CREB5: variants seen among roughly 807,000 people sequenced by gnomAD.
CREB5 encodes cAMP responsive element binding protein 5.
In CREB5, 19 loss-of-function variants were observed where a neutral mutation model predicts 57.1. The observed-to-expected ratio is 0.33, with a 90% CI of 0.23 to 0.49. The LOEUF (loss-of-function observed/expected upper bound fraction) is 0.49. CREB5 is among the 20% of genes least tolerant of loss of function. CREB5 has a pLI of 0.99. For synonymous variants in CREB5, 238 were observed against 238.3 expected (o/e 1.00, Z 0.01); for missense variants, 579 against 671.6 (o/e 0.86, Z 1.52).
chr7:28,435,343 T>C (rs535721485), intron 1 of CREB5, among the ~76,000 whole-genome samples: 2 of 152,106 alleles, frequency 1.3e-5, no homozygotes, highest in East Asian at 3.9e-4. Context: ...AGATGTGTGA[T>C]TGTCAGTGGG....
At chr7:28,547,783 G>A (rs138785024) in intron 4 of CREB5, among the ~76,000 whole-genome samples, 18 of 152,158 alleles carry the variant, frequency 1.2e-4, no homozygotes, top group African/African-American at 3.6e-4. Context: ...GTCATCTTTC[G>A]GTATGTAGCT....
At chr7:28,406,918 G>C in intron 1 of CREB5, among the ~76,000 whole-genome samples, 1 of 60,726 alleles carries the variant, frequency 1.6e-5, no homozygotes, top group East Asian at 2.0e-3. Flanking sequence ...ATTTAGTTAA[G>C]TTTGTAAAAA....
intron 7 of CREB5, among the ~76,000 whole-genome samples, chr7:28,742,255 C>T (rs1317993062): frequency 1.3e-5 from 2 of 152,020 alleles, no homozygotes; most frequent in East Asian, 3.9e-4. Flanking sequence ...ATTCTATGTG[C>T]TTACTTCATA....
chr7:28,785,305 G>A (rs1807255715), intron 7 of CREB5, among the ~76,000 whole-genome samples: 1 of 152,192 alleles, frequency 6.6e-6, no homozygotes, highest in Non-Finnish European at 1.5e-5. Flanking sequence ...ATGTCGCCTT[G>A]TGTAATAATA....
At chr7:28,594,777 A>G (rs1796639388) in intron 5 of CREB5, among the ~76,000 whole-genome samples, 1 of 152,196 alleles carries the variant, frequency 6.6e-6, no homozygotes, top group South Asian at 2.1e-4. Context: ...GCTTTCAGAG[A>G]ACCCCACTAG....
intron 1 of CREB5, among the ~76,000 whole-genome samples, chr7:28,347,660 A>G (rs979755394): frequency 1.3e-5 from 2 of 152,152 alleles, no homozygotes; most frequent in African/African-American, 4.8e-5. Flanking sequence ...CCAGGTTTCA[A>G]TAGCTTGAAA....
intron 1 of CREB5, among the ~76,000 whole-genome samples, chr7:28,429,524 A>C (rs1474442974): frequency 6.6e-6 from 1 of 152,192 alleles, no homozygotes; most frequent in Non-Finnish European, 1.5e-5. Flanking sequence ...GGTAAGAGGA[A>C]GCATCCTTAC....
chr7:28,560,959 T>TGTGTGCGCGTGCGTGC (rs1562798119), intron 4 of CREB5, among the ~76,000 whole-genome samples: 1 of 32,128 alleles, frequency 3.1e-5, no homozygotes, highest in African/African-American at 1.5e-4. Context: ...TGCGTGTGTG[T>TGTGTGCGCGTGCGTGC]GCGTGTGTGT....
At chr7:28,430,622 A>G in intron 1 of CREB5, among the ~76,000 whole-genome samples, 1 of 147,106 alleles carries the variant, frequency 6.8e-6, no homozygotes, top group East Asian at 1.9e-4. Flanking sequence ...TATGCAATCT[A>G]AGGTTTTACC....
At chr7:28,717,005 C>T (rs1217932389) in intron 5 of CREB5, among the ~76,000 whole-genome samples, 1 of 152,032 alleles carries the variant, frequency 6.6e-6, no homozygotes, top group Non-Finnish European at 1.5e-5. Context: ...CTCTGTGTAT[C>T]TCCTCACATA....
At chr7:28,319,244 G>A (rs2127983587) in intron 1 of CREB5, among the ~76,000 whole-genome samples, 1 of 152,194 alleles carries the variant, frequency 6.6e-6, no homozygotes, top group African/African-American at 2.4e-5. Context: ...GGGTCAAAGG[G>A]CAACTGAAAA....
intron 1 of CREB5, among the ~76,000 whole-genome samples, chr7:28,481,805 C>G (rs1350650691): frequency 6.6e-6 from 1 of 151,918 alleles, no homozygotes; most frequent in Non-Finnish European, 1.5e-5. Context: ...GACAAACACA[C>G]AAAGAGAGGA....
At chr7:28,385,602 G>C (rs2127996801) in intron 1 of CREB5, among the ~76,000 whole-genome samples, 1 of 151,978 alleles carries the variant, frequency 6.6e-6, no homozygotes, top group South Asian at 2.1e-4. Context: ...CCTGAGCCTG[G>C]GGAGGTGGAG....
At chr7:28,539,887 A>G (rs1435885730) in intron 4 of CREB5, among the ~76,000 whole-genome samples, 1 of 152,212 alleles carries the variant, frequency 6.6e-6, no homozygotes, top group Non-Finnish European at 1.5e-5. Context: ...ATTTTTGGTA[A>G]CCAGCCCACC....
At chr7:28,423,129 A>C (rs1788342370) in intron 1 of CREB5, among the ~76,000 whole-genome samples, 2 of 152,078 alleles carry the variant, frequency 1.3e-5, no homozygotes. Context: ...CTCTGCCTCC[A>C]TGCTAGCCAC....
chr7:28,522,460 A>G (rs1793249992), intron 4 of CREB5, among the ~76,000 whole-genome samples: 1 of 146,510 alleles, frequency 6.8e-6, no homozygotes. Context: ...CAATGGCACA[A>G]TCTCTGCTGA....
chr7:28,612,341 C>T (rs1023858013), intron 5 of CREB5, among the ~76,000 whole-genome samples: 5 of 151,972 alleles, frequency 3.3e-5, no homozygotes, highest in African/African-American at 9.7e-5. Flanking sequence ...ACCTACAAGC[C>T]GTGGGTCTCT....
intron 4 of CREB5, among the ~76,000 whole-genome samples, chr7:28,567,739 C>T (rs990806158): frequency 2.0e-5 from 3 of 152,070 alleles, no homozygotes; most frequent in Non-Finnish European, 2.9e-5. Context: ...ATACAAGGCC[C>T]GATGCTGGAA....
intron 1 of CREB5, among the ~76,000 whole-genome samples, chr7:28,403,473 A>T (rs1219743409): frequency 6.6e-6 from 1 of 152,206 alleles, no homozygotes; most frequent in Non-Finnish European, 1.5e-5. Flanking sequence ...TGTTTTAAGC[A>T]TGTTACATAT....
Sources: gnomAD v4.1 joint callset for allele counts (sites outside exome capture counted in the v4.1 genomes callset) on GRCh38, gnomAD v4.1.1 for gene constraint, MANE v1.5 for transcripts, NCBI Gene and HGNC (gene_info 2026-07-23, HGNC 2026-07-21) for gene names.